The following IL20RA variants were observed in gnomAD, a reference collection of about 807,000 sequenced individuals.
IL20RA encodes the protein interleukin 20 receptor subunit alpha, also known as interleukin-20 receptor subunit alpha.
In IL20RA, 29 loss-of-function variants were observed where a neutral mutation model predicts 36.5. The observed-to-expected ratio is 0.79, with a 90% CI of 0.59 to 1.08. IL20RA has a LOEUF of 1.08. Among genes scored for constraint, IL20RA ranks in the 50% least tolerant of loss-of-function variants. The pLI is 0.00. For missense variants in IL20RA, 652 were observed against 668.4 expected (o/e 0.98, Z 0.27); for synonymous variants, 279 against 267.1 (o/e 1.04, Z -0.43).
Position 137,009,409 on chromosome 6 carries a change from T to A in IL20RA, c.487A>T (p.Arg163Ter), listed in dbSNP as rs780336302. The A allele has an allele frequency of 9.3e-6, 15 of 1,612,380 alleles. No individual in the cohort carries two copies. The highest frequency in any genetic ancestry group is 1.3e-5 in the Non-Finnish European group (15 of 1,178,544). ...GAAACAGGAAGGTCTTCTGGATTTC[T>A]CTTCCACTTCTCTGGAGCTGTCAGG... Reference protein sequence around the residue: ...VVLTAPEKWKRNPEDLPVSMQ... With the variant: ...VVLTAPEKWK The change falls in exon 4 of 7, where the codon AGA becomes TGA. Residue 163 changes from arginine to a stop codon, truncating the protein, a stop_gained. Coordinates refer to ENST00000316649, the MANE Select transcript of IL20RA (RefSeq NM_014432.4). LOFTEE classifies it high-confidence loss of function.
At chr6:137,043,980 T>C (rs1776804529) in intron 1 of IL20RA, 3 of 425,692 alleles carry the variant, frequency 7.0e-6, no homozygotes, top group Non-Finnish European at 9.4e-6. Context: ...AGTTACCTTA[T>C]GTCGTAAACG....
chr6:137,003,522 T>C (rs1775155199), intron 6 of IL20RA, among the ~76,000 whole-genome samples: 1 of 152,204 alleles, frequency 6.6e-6, no homozygotes, highest in Non-Finnish European at 1.5e-5. Flanking sequence ...CACTCTCGCC[T>C]GTTAGACTTG....
At chr6:137,009,521 A>T in intron 3 of IL20RA, 29 bp from the exon 4 acceptor site, 2 of 1,450,694 alleles carry the variant, frequency 1.4e-6, no homozygotes, top group Non-Finnish European at 1.9e-6. Context: ...GGGTATTATC[A>T]TGTTCAGATG....
intron 6 of IL20RA, among the ~76,000 whole-genome samples, chr6:137,004,174 T>TTTTTTTTTTAGG (rs1554211835): frequency 8.0e-6 from 1 of 124,450 alleles, no homozygotes; most frequent in African/African-American, 3.1e-5. Flanking sequence ...TTTTTTTTTT[T>TTTTTTTTTTAGG]TTTTTTTTTT....
rs941183463 is a variant in IL20RA, at chr6:137,001,332, A to C, written c.*226T>G. The C allele has an allele frequency of 4.8e-6, 2 of 414,006 alleles. No homozygotes were observed. Among genetic ancestry groups the C allele is most frequent in the African/African-American group, 4.1e-5 (2 of 49,256 alleles). 25.6% of individuals were successfully genotyped at this position (414,006 alleles called of 1,614,324 possible). ...ATTGACTGCTTTCTCTGCATAGAACAACCGGCCAGCCCCTGGACTCCAGAG... is the reference window on the plus strand; with the variant it reads ...ATTGACTGCTTTCTCTGCATAGAACCACCGGCCAGCCCCTGGACTCCAGAG... On this transcript the variant is annotated 3_prime_UTR_variant, in exon 7 of 7. Coordinates refer to ENST00000316649, the MANE Select transcript of IL20RA (RefSeq NM_014432.4).
At chr6:137,042,155 C>A (rs898104351) in intron 1 of IL20RA, among the ~76,000 whole-genome samples, 2 of 152,152 alleles carry the variant, frequency 1.3e-5, no homozygotes, top group African/African-American at 4.8e-5. Flanking sequence ...CAGTATGAAT[C>A]TCCAGTAGGA....
intron 1 of IL20RA, among the ~76,000 whole-genome samples, chr6:137,036,360 T>G (rs1348847132): frequency 6.6e-6 from 1 of 152,184 alleles, no homozygotes; most frequent in Admixed American, 6.5e-5. Flanking sequence ...TATGTTGACA[T>G]CCTAACTTCT....
chr6:137,022,884 GA>G (rs1775952952), intron 1 of IL20RA, among the ~76,000 whole-genome samples: 1 of 152,334 alleles, frequency 6.6e-6, no homozygotes, highest in East Asian at 1.9e-4. Flanking sequence ...CCAGGAGTTG[GA>G]AGAAGCAAGG....
At chr6:137,025,780 C>T (rs1303858386) in intron 1 of IL20RA, among the ~76,000 whole-genome samples, 1 of 152,206 alleles carries the variant, frequency 6.6e-6, no homozygotes, top group African/African-American at 2.4e-5. Context: ...GGGTTGCCAT[C>T]TAAGTATGTT....
rs1339854526 is a variant in IL20RA at position 137,044,713 on chromosome 6, G to A, written c.16C>T (p.Arg6Cys). ...AGCGGCAGCGGCCGCAGGGCCGGGC[G>A]GCCGGGAGCCCGCATGGGCGGCGGG... MRAPGRPALRPLPLPP... is the reference protein window; with the variant it reads MRAPGCPALRPLPLPP... Residue 6 changes from arginine (R) to cysteine (C), a missense_variant, in exon 1 of 7, where the codon CGC becomes TGC. Arg to Cys is a radical substitution (Grantham distance 180). Coordinates refer to ENST00000316649, the MANE Select transcript of IL20RA (RefSeq NM_014432.4). 5 of 1,220,426 alleles carry A rather than the reference G, an allele frequency of 4.1e-6. No homozygotes were observed. Among genetic ancestry groups the A allele is most frequent in the Non-Finnish European group, 5.1e-6 (5 of 981,206 alleles). 75.6% of individuals were successfully genotyped at this position (1,220,426 alleles called of 1,614,324 possible).
In IL20RA at chr6:137,014,438, T is replaced by C. The variant is rs370599030; in HGVS notation, c.224+2530A>G. Among the ~76,000 whole-genome samples, 29 of 152,270 alleles carry C rather than the reference T, an allele frequency of 1.9e-4. 1 individual carries two copies. Among genetic ancestry groups the C allele is most frequent in the Admixed American group, 7.9e-4 (12 of 15,286 alleles). On this transcript the variant is annotated intron_variant, in intron 2 of 6. Coordinates refer to ENST00000316649, the MANE Select transcript of IL20RA (RefSeq NM_014432.4). The stretch of plus-strand genomic sequence containing the variant: ...GAATAGATGGACAAAAATTAGATTA[T>C]ACCATACATATGGTTTTAATAAAAG...
rs1775702165 is a variant in IL20RA, at chr6:137,016,771, C to T, written c.224+197G>A. 2.0e-5 allele frequency among the ~76,000 whole-genome samples: 3 copies of T among 152,122 alleles called. No individual in the cohort carries two copies. The South Asian group carries it at 6.2e-4, about 32-fold the overall frequency. On this transcript the variant is annotated intron_variant, in intron 2 of 6. Coordinates refer to ENST00000316649, the MANE Select transcript of IL20RA (RefSeq NM_014432.4). Reference sequence around the variant, plus strand: ...AAATAACCTTGCCTTGCCTGAGCCCCCCAATGCCTCTGTCTCCATGAAGAA... The same window carrying T: ...AAATAACCTTGCCTTGCCTGAGCCCTCCAATGCCTCTGTCTCCATGAAGAA...
Position 137,017,004 on chromosome 6 carries a change from T to C in IL20RA, c.188A>G (p.Gln63Arg). 6.2e-7 allele frequency: 1 copy of C among 1,613,676 alleles called. No individual in the cohort carries two copies. The stretch of plus-strand genomic sequence containing the variant: ...CACAGTGTAAGTAACTTTAACTCCT[T>C]GAAGACCCTCTGGTGGAGTCCATTG... ...VLQWTPPEGL[Q>R]GVKVTYTVQY... The change falls in exon 2 of 7, where the codon CAA becomes CGA. Residue 63 changes from glutamine to arginine, a missense_variant. Coordinates refer to ENST00000316649, the MANE Select transcript of IL20RA (RefSeq NM_014432.4).
intron 3 of IL20RA, among the ~76,000 whole-genome samples, chr6:137,010,470 T>C (rs1475095642): frequency 6.8e-6 from 1 of 146,888 alleles, no homozygotes; most frequent in Non-Finnish European, 1.5e-5. Flanking sequence ...TTCTTAACTC[T>C]TGGCTTGTAG....
chr6:137,017,044 T>C lies in IL20RA; in HGVS notation c.148A>G (p.Met50Val), dbSNP rs144678811. 1.1e-5 allele frequency: 18 copies of C among 1,612,886 alleles called. No individual in the cohort carries two copies. Among genetic ancestry groups the C allele is most frequent in the East Asian group, 6.7e-5 (3 of 44,880 alleles). ...GGAGTCCATTGTAGGACATTCTTCA[T>C]GTTGATGGATAAGAAGGTGATGTTT... The part of the protein sequence containing the change: ...PANITFLSIN[M>V]KNVLQWTPPE... Residue 50 changes from methionine to valine, a missense_variant, in exon 2 of 7, where the codon ATG becomes GTG. Met to Val is a conservative substitution (Grantham distance 21). Coordinates refer to ENST00000316649, the MANE Select transcript of IL20RA (RefSeq NM_014432.4).
chr6:137,040,595 CTT>C (rs978724946), intron 1 of IL20RA, among the ~76,000 whole-genome samples: 1 of 152,134 alleles, frequency 6.6e-6, no homozygotes, highest in Admixed American at 6.6e-5. Context: ...TGAAGGAACT[CTT>C]AGTGGCCAAA....
At chr6:137,019,822 G>T (rs1775835101) in intron 1 of IL20RA, among the ~76,000 whole-genome samples, 1 of 152,172 alleles carries the variant, frequency 6.6e-6, no homozygotes, top group Non-Finnish European at 1.5e-5. Context: ...TATTCTTTGA[G>T]AAGAGAATAT....
chr6:137,002,313 G>C lies in IL20RA; in HGVS notation c.907C>G (p.Pro303Ala). 1.2e-6 allele frequency: 2 copies of C among 1,604,880 alleles called. No homozygotes were observed. Among genetic ancestry groups the C allele is most frequent in the Non-Finnish European group, 1.7e-6 (2 of 1,176,742 alleles). ...GNEFDKRFFVPAEKIVINFIT... is the reference protein window; with the variant it reads ...GNEFDKRFFVAAEKIVINFIT... ...AAGTTAATCACGATTTTTTCAGCAG[G>C]CACAAAGAATCTTTTGTCAAATTCA... is the stretch of plus-strand genomic sequence containing the variant. The change falls in exon 7 of 7, where the codon CCT becomes GCT. Residue 303 changes from proline to alanine, a missense_variant. Transcript: ENST00000316649.
Position 137,008,596 on chromosome 6 carries a change from T to G in IL20RA, c.724+3A>C. 6.3e-7 allele frequency: 1 copy of G among 1,584,278 alleles called. No individual in the cohort carries two copies. On this transcript the variant is annotated splice_donor_region_variant and intron_variant, in intron 5 of 6. Transcript: ENST00000316649. ...AGACCAGCAAAGATTTTTTAAAGCT[T>G]ACCTTTCAAAGTCCTGGCACACTGC...
Sources: gnomAD v4.1 joint callset for allele counts (sites outside exome capture counted in the v4.1 genomes callset) on GRCh38, gnomAD v4.1.1 for gene constraint, MANE v1.5 for transcripts, NCBI Gene and HGNC (gene_info 2026-07-23, HGNC 2026-07-21) for gene names.